The following TEK variants were observed in gnomAD, a reference collection of about 807,000 sequenced individuals.
The protein encoded by TEK is angiopoietin-1 receptor.
A neutral mutation model predicts 131.8 loss-of-function variants in TEK; 43 were observed. That is an observed-to-expected ratio of 0.33 (90% confidence interval 0.26 to 0.42). The LOEUF is 0.42. Ranked by LOEUF, TEK falls within the 10% of genes least tolerant of loss-of-function variation. The probability of loss-of-function intolerance (pLI) is 1.00; values close to 1 mark genes in which losing one functional copy is unlikely to be tolerated. For missense variants in TEK, 1,162 were observed against 1,384.4 expected (o/e 0.84, Z 2.55); for synonymous variants, 580 against 491.6 (o/e 1.18, Z -2.38).
intron 8 of TEK, 97 bp downstream of exon 8, chr9:27,183,707 C>T: frequency 6.7e-7 from 1 of 1,493,802 alleles, no homozygotes; most frequent in Non-Finnish European, 9.3e-7. Flanking sequence ...TGCTTTTATC[C>T]TCCTAGGCTA....
chr9:27,180,278 A>T lies in TEK; in HGVS notation c.940A>T (p.Arg314Trp). ...TTTTTACGGGCCAGATTGTAAGCTT[A>T]GGTGCAGCTGCAACAATGGGGAGAT... ...PGFYGPDCKL[R>W]CSCNNGEMCD... Residue 314 changes from arginine (R) to tryptophan (W), a missense_variant, in exon 7 of 23, where the codon AGG (arginine) becomes TGG (tryptophan). Arg to Trp is a moderately radical substitution (Grantham distance 101). Coordinates refer to ENST00000380036, the MANE Select transcript of TEK (RefSeq NM_000459.5). The T allele has an allele frequency of 6.2e-7, 1 of 1,613,898 alleles. No homozygotes were observed. The highest frequency in any genetic ancestry group is 1.3e-5 in the African/African-American group (1 of 75,020).
intron 1 of TEK, among the ~76,000 whole-genome samples, chr9:27,125,826 TATAA>T (rs1821965951): frequency 6.6e-6 from 1 of 152,204 alleles, no homozygotes; most frequent in Admixed American, 6.5e-5. Context: ...CAAGAATCTG[TATAA>T]ATGTTGTTCC....
intron 21 of TEK, among the ~76,000 whole-genome samples, chr9:27,225,208 T>C (rs1376546933): frequency 1.3e-5 from 2 of 152,014 alleles, no homozygotes; most frequent in African/African-American, 2.4e-5. Context: ...CAAGCTACCA[T>C]TGACTTTCTT....
Position 27,229,519 on chromosome 9 carries a change from C to A in TEK, c.*287C>A. ...TAAAAATGTGGACTTCATAGGAAGGCGTGAGTACAATTAGTATAATGCATA... is the reference window on the plus strand; with the variant it reads ...TAAAAATGTGGACTTCATAGGAAGGAGTGAGTACAATTAGTATAATGCATA... On this transcript the variant is annotated 3_prime_UTR_variant, in exon 23 of 23. Coordinates refer to ENST00000380036, the MANE Select transcript of TEK (RefSeq NM_000459.5). 2 of 440,596 alleles carry A rather than the reference C, an allele frequency of 4.5e-6. No homozygotes were observed. The highest frequency in any genetic ancestry group is 4.4e-5 in the East Asian group (1 of 22,988). The allele number at this position is 440,596 out of a possible 1,614,324, so 27.3% of individuals were successfully genotyped here.
chr9:27,143,693 A>G (rs1230993783), intron 1 of TEK, among the ~76,000 whole-genome samples: 1 of 152,184 alleles, frequency 6.6e-6, no homozygotes, highest in Non-Finnish European at 1.5e-5. Context: ...GTACACACGC[A>G]CATTGTCTAC....
intron 12 of TEK, among the ~76,000 whole-genome samples, chr9:27,198,055 T>C (rs1825091379): frequency 8.3e-6 from 1 of 119,880 alleles, no homozygotes; most frequent in South Asian, 2.7e-4. Flanking sequence ...ATAAAATCAC[T>C]TTTTTTTTCC....
rs1248288309 is a variant in TEK, at chr9:27,153,288, AAT to A, written c.53-4541_53-4540del. Among the ~76,000 whole-genome samples the A allele has an allele frequency of 1.6e-4, 23 of 144,530 alleles. No individual in the cohort carries two copies. The East Asian group carries it at 2.7e-3, about 17-fold the overall frequency. The allele number at this position is 144,530 out of a possible 152,430, so 94.8% of individuals were successfully genotyped here. On this transcript the variant is annotated intron_variant, in intron 1 of 22. Coordinates refer to ENST00000380036, the MANE Select transcript of TEK (RefSeq NM_000459.5). ...ATGGTGAAACCCCGCCTCTACTAAAAATAGAAAAAAAATTAGCTGGGCGTGGT... is the reference window on the plus strand; with the variant it reads ...ATGGTGAAACCCCGCCTCTACTAAAAAGAAAAAAAATTAGCTGGGCGTGGT...
At chr9:27,222,650 A>G (rs1047101892) in intron 21 of TEK, among the ~76,000 whole-genome samples, 1 of 152,188 alleles carries the variant, frequency 6.6e-6, no homozygotes, top group African/African-American at 2.4e-5. Flanking sequence ...TCCTTTACAG[A>G]CAAGCAAGTG....
intron 2 of TEK, among the ~76,000 whole-genome samples, chr9:27,161,958 C>A (rs749973053): frequency 5.9e-5 from 9 of 152,184 alleles, no homozygotes; most frequent in Non-Finnish European, 1.2e-4. Context: ...AATTTTCCGA[C>A]TCAATTGTAG....
At chr9:27,182,260 C>T (rs539596262) in intron 7 of TEK, among the ~76,000 whole-genome samples, 53 of 152,282 alleles carry the variant, frequency 3.5e-4, no homozygotes, top group African/African-American at 1.0e-3. Flanking sequence ...TAGCTCCCTT[C>T]CCAGATTCCA....
intron 6 of TEK, among the ~76,000 whole-genome samples, chr9:27,178,526 A>C (rs1824251744): frequency 6.6e-6 from 1 of 152,102 alleles, no homozygotes; most frequent in African/African-American, 2.4e-5. Context: ...TAGTGATTGT[A>C]TTGAATTTGT....
At chr9:27,156,481 G>A (rs1823334842) in intron 1 of TEK, among the ~76,000 whole-genome samples, 2 of 151,902 alleles carry the variant, frequency 1.3e-5, no homozygotes, top group Admixed American at 6.6e-5. Context: ...CACTTAAGCT[G>A]AGACCCAAAG....
chr9:27,185,797 A>G (rs184495895), intron 9 of TEK, among the ~76,000 whole-genome samples, 168 bp downstream of exon 9: 1 of 152,330 alleles, frequency 6.6e-6, no homozygotes, highest in East Asian at 1.9e-4. Context: ...AGAAATTAAG[A>G]GTATGAACTG....
At chr9:27,204,707 T>TTTA (rs752610315) in intron 13 of TEK, among the ~76,000 whole-genome samples, 1 of 151,136 alleles carries the variant, frequency 6.6e-6, no homozygotes, top group African/African-American at 2.4e-5. Flanking sequence ...TTTTTTTTTT[T>TTTA]AATCTTATTA....
At chr9:27,157,420 T>G (rs552854131) in intron 1 of TEK, among the ~76,000 whole-genome samples, 17 of 152,320 alleles carry the variant, frequency 1.1e-4, no homozygotes, top group African/African-American at 3.6e-4. Flanking sequence ...TTGATATATT[T>G]CTTTAGAATA....
At chr9:27,225,514 C>A (rs946759356) in intron 21 of TEK, among the ~76,000 whole-genome samples, 9 of 151,992 alleles carry the variant, frequency 5.9e-5, no homozygotes, top group African/African-American at 2.2e-4. Flanking sequence ...TAATAAATGG[C>A]GTTGGGAAAA....
At chr9:27,173,906 G>C (rs1053439854) in intron 6 of TEK, among the ~76,000 whole-genome samples, 1 of 150,022 alleles carries the variant, frequency 6.7e-6, no homozygotes. Flanking sequence ...CTCCAGCCTG[G>C]GCAACAGAGT....
intron 6 of TEK, among the ~76,000 whole-genome samples, chr9:27,177,162 G>C (rs546302132): frequency 6.6e-6 from 1 of 152,342 alleles, no homozygotes; most frequent in East Asian, 1.9e-4. Flanking sequence ...TGAGAAAACA[G>C]ATGTCTCTTT....
At chr9:27,217,072 G>A (rs1391161972) in intron 18 of TEK, among the ~76,000 whole-genome samples, 2 of 152,190 alleles carry the variant, frequency 1.3e-5, no homozygotes, top group Non-Finnish European at 2.9e-5. Flanking sequence ...GAGGCAGTCA[G>A]GACCAGGCAT....
Sources: allele counts gnomAD v4.1 joint callset (sites outside exome capture counted in the v4.1 genomes callset), GRCh38; gene constraint gnomAD v4.1.1; transcripts MANE v1.5; gene names NCBI Gene and HGNC (gene_info 2026-07-23, HGNC 2026-07-21).